ASPH: variants seen among roughly 807,000 people sequenced by gnomAD.
The protein encoded by ASPH is aspartate beta-hydroxylase.
A neutral mutation model predicts 118.4 loss-of-function variants in ASPH; 100 were observed. The observed-to-expected ratio is 0.84, with a 90% CI of 0.72 to 1.00. The LOEUF (loss-of-function observed/expected upper bound fraction) is 1.00, where lower values mean the gene tolerates loss of function less well. Among genes scored for constraint, ASPH ranks in the 50% least tolerant of loss-of-function variants. The pLI is 0.00. For synonymous variants in ASPH, 315 were observed against 325.6 expected (o/e 0.97, Z 0.35); for missense variants, 920 against 919.5 (o/e 1.00, Z -0.01).
chr8:61,579,108 G>C, intron 15 of ASPH: 1 of 1,610,726 alleles, frequency 6.2e-7, no homozygotes, highest in Non-Finnish European at 8.5e-7. Context: ...TGGGAAGCAC[G>C]GGGATGACCT....
At chr8:61,663,561 T>A (rs1216799209) in intron 3 of ASPH, 1 of 985,288 alleles carries the variant, frequency 1.0e-6, no homozygotes, top group Non-Finnish European at 1.2e-6. Flanking sequence ...TGGGATCTAG[T>A]CATCTGAAGT....
At chr8:61,527,652 G>T (rs1282259969) in intron 21 of ASPH, among the ~76,000 whole-genome samples, 1 of 152,196 alleles carries the variant, frequency 6.6e-6, no homozygotes, top group African/African-American at 2.4e-5. Flanking sequence ...TTAGGGAGAT[G>T]CAGCTTTGGA....
At chr8:61,561,098 GAGA>G (rs1829736147) in intron 18 of ASPH, among the ~76,000 whole-genome samples, 2 of 11,218 alleles carry the variant, frequency 1.8e-4, no homozygotes, top group East Asian at 2.5e-3. Flanking sequence ...GAGGGAGGGA[GAGA>G]GGGAGGGAGG....
rs192538421 is a variant in ASPH at position 61,607,098 on chromosome 8, T to C, written c.976+11880A>G. 7.8e-4 allele frequency: 419 copies of C among 539,416 alleles called. 6 individuals carry two copies. The East Asian group carries it at 0.013, about 17-fold the overall frequency. 33.4% of individuals were successfully genotyped at this position (539,416 alleles called of 1,614,324 possible). A position where few individuals can be genotyped will look rare whatever the true frequency, so the allele number is the denominator to read the frequency against. The stretch of plus-strand genomic sequence containing the variant: ...TGTTCATAGTCTCTACCTCTTTACA[T>C]TGTAGTTACTTGCTTTGCTTTCAGA... On this transcript the variant is annotated intron_variant, in intron 14 of 24. Transcript: ENST00000379454.
chr8:61,630,039 G>A (rs951993244), intron 13 of ASPH, among the ~76,000 whole-genome samples: 7 of 152,138 alleles, frequency 4.6e-5, no homozygotes, highest in African/African-American at 1.4e-4. Flanking sequence ...TTAGCAGAGC[G>A]CCTACATAAT....
chr8:61,579,393 A>G, intron 15 of ASPH: 1 of 1,613,902 alleles, frequency 6.2e-7, no homozygotes, highest in Non-Finnish European at 8.5e-7. Context: ...CGCCACCTAC[A>G]GGAAGCTGCT....
At chr8:61,689,445 G>A (rs916877730) in intron 1 of ASPH, among the ~76,000 whole-genome samples, 4 of 151,982 alleles carry the variant, frequency 2.6e-5, no homozygotes, top group African/African-American at 9.7e-5. Flanking sequence ...ATACTAAAAG[G>A]TCATCTAAAT....
intron 14 of ASPH, among the ~76,000 whole-genome samples, chr8:61,609,085 C>G (rs1846479997): frequency 6.6e-6 from 1 of 152,274 alleles, no homozygotes; most frequent in East Asian, 1.9e-4. Flanking sequence ...TAGATAAAAG[C>G]ATTATGGCAG....
At chr8:61,627,851 T>TTCTTCCTGCCTTCTCTATC (rs1321559976) in intron 13 of ASPH, among the ~76,000 whole-genome samples, 5 of 152,274 alleles carry the variant, frequency 3.3e-5, no homozygotes, top group African/African-American at 1.2e-4. Context: ...TACTCTCCAT[T>TTCTTCCTGCCTTCTCTATC]TCTTCCTGCC....
chr8:61,588,606 G>A (rs112780389), intron 14 of ASPH, among the ~76,000 whole-genome samples: 1 of 152,154 alleles, frequency 6.6e-6, no homozygotes, highest in African/African-American at 2.4e-5. Context: ...TCCCTGACTC[G>A]AGTCTGTTCC....
At chr8:61,674,060 T>G (rs1363051144) in intron 3 of ASPH, among the ~76,000 whole-genome samples, 5 of 152,238 alleles carry the variant, frequency 3.3e-5, no homozygotes. Flanking sequence ...TGATGAAAAA[T>G]TAGTAATTTC....
chr8:61,663,600 G>A (rs1037176047), intron 3 of ASPH: 1 of 985,360 alleles, frequency 1.0e-6, no homozygotes, highest in Non-Finnish European at 1.2e-6. Context: ...AAACAAAGCA[G>A]CTGTAGAATT....
intron 1 of ASPH, among the ~76,000 whole-genome samples, chr8:61,687,260 T>C (rs769570601): frequency 2.6e-5 from 4 of 152,216 alleles, no homozygotes; most frequent in Non-Finnish European, 5.9e-5. Flanking sequence ...AACTCAGTGA[T>C]ACTCATTTAA....
At chr8:61,609,232 T>C (rs1377405703) in intron 14 of ASPH, among the ~76,000 whole-genome samples, 2 of 152,184 alleles carry the variant, frequency 1.3e-5, no homozygotes, top group African/African-American at 2.4e-5. Context: ...GAGGATCCAA[T>C]GCTACCCCTC....
At chr8:61,649,027 A>AG (rs1809540744) in intron 5 of ASPH, among the ~76,000 whole-genome samples, 1 of 152,186 alleles carries the variant, frequency 6.6e-6, no homozygotes, top group African/African-American at 2.4e-5. Flanking sequence ...AAGTCACTGA[A>AG]GGGGAAAAAG....
chr8:61,674,226 T>C (rs997293828), intron 3 of ASPH, among the ~76,000 whole-genome samples: 1 of 152,184 alleles, frequency 6.6e-6, no homozygotes, highest in Admixed American at 6.5e-5. Flanking sequence ...GGGCTGAAGA[T>C]TCCTTTAGAA....
At chr8:61,664,093 AACTAACTGCATTTCACAGT>A (rs1818289145) in intron 3 of ASPH, 1 of 976,008 alleles carries the variant, frequency 1.0e-6, no homozygotes, top group Non-Finnish European at 1.2e-6. Context: ...TATCATTATC[AACTAACTGCATTTCACAGT>A]AGTCACAATT....
intron 22 of ASPH, among the ~76,000 whole-genome samples, chr8:61,524,811 A>T (rs1306558951): frequency 6.7e-6 from 1 of 150,024 alleles, no homozygotes; most frequent in Non-Finnish European, 1.5e-5. Flanking sequence ...GATGCCTGCT[A>T]TTCTGAAGCA....
Position 61,714,412 on chromosome 8 carries a change from T to C in ASPH, c.-41A>G, listed in dbSNP as rs1482774008. 1 of 1,428,200 alleles carries C rather than the reference T, an allele frequency of 7.0e-7. No homozygotes were observed. Among genetic ancestry groups the C allele is most frequent in the Non-Finnish European group, 9.2e-7 (1 of 1,086,658 alleles). The allele number at this position is 1,428,200 out of a possible 1,614,324, so 88.5% of individuals were successfully genotyped here. A position where few individuals can be genotyped will look rare whatever the true frequency, so the allele number is the denominator to read the frequency against. Reference sequence around the variant, plus strand: ...GGCTGGTGAGGGCTGGCGGACCTCCTTCAGTGCGCGGGGGTACACACGCGA... The same window carrying C: ...GGCTGGTGAGGGCTGGCGGACCTCCCTCAGTGCGCGGGGGTACACACGCGA... On this transcript the variant is annotated 5_prime_UTR_variant, in exon 1 of 25. Transcript: ENST00000379454.
Sources: allele counts gnomAD v4.1 joint callset (sites outside exome capture counted in the v4.1 genomes callset), GRCh38; gene constraint gnomAD v4.1.1; transcripts MANE v1.5; gene names NCBI Gene and HGNC (gene_info 2026-07-23, HGNC 2026-07-21).